The following HOOK1 variants were observed in gnomAD, a reference collection of about 807,000 sequenced individuals.
HOOK1 encodes the protein hook microtubule tethering protein 1, also known as protein Hook homolog 1.
In HOOK1, 60 loss-of-function variants were observed where a neutral mutation model predicts 112.8. The observed-to-expected ratio is 0.53, with a 90% CI of 0.43 to 0.66. The LOEUF (loss-of-function observed/expected upper bound fraction) is 0.66, where lower values mean the gene tolerates loss of function less well. Ranked by LOEUF, HOOK1 falls within the 30% of genes least tolerant of loss-of-function variation. The pLI, the probability that HOOK1 is intolerant of heterozygous loss-of-function variation, is 0.00. For missense variants in HOOK1, 770 were observed against 856.0 expected (o/e 0.90, Z 1.25); for synonymous variants, 294 against 283.8 (o/e 1.04, Z -0.36).
At chr1:59,836,077 A>G (rs564519651) in intron 6 of HOOK1, among the ~76,000 whole-genome samples, 1 of 152,094 alleles carries the variant, frequency 6.6e-6, no homozygotes, top group Non-Finnish European at 1.5e-5. Flanking sequence ...TTCCAGTTAT[A>G]ACAATCTTTC....
intron 4 of HOOK1, among the ~76,000 whole-genome samples, chr1:59,832,727 AAG>A (rs572658355): frequency 9.3e-4 from 141 of 152,200 alleles, no homozygotes; most frequent in African/African-American, 3.3e-3. Flanking sequence ...TTTTTGATAT[AAG>A]AGAGTTTATT....
At chr1:59,864,919 T>C in intron 17 of HOOK1, 1 of 568,180 alleles carries the variant, frequency 1.8e-6, no homozygotes, top group Non-Finnish European at 3.2e-6. Context: ...AACTAGATTA[T>C]ATGGGATGTT....
chr1:59,846,701 G>A (rs901551966), intron 9 of HOOK1, among the ~76,000 whole-genome samples: 1 of 149,508 alleles, frequency 6.7e-6, no homozygotes, highest in Non-Finnish European at 1.5e-5. Context: ...TTGATTGCTT[G>A]TCTTTTTGTT....
intron 3 of HOOK1, among the ~76,000 whole-genome samples, chr1:59,830,847 T>C (rs1427357644): frequency 6.6e-6 from 1 of 152,036 alleles, no homozygotes; most frequent in Admixed American, 6.6e-5. Flanking sequence ...AATTTTTTAA[T>C]TGGATGCTAA....
At position 59,873,922 on chromosome 1, in the gene HOOK1, G is replaced by A. The variant is rs1040869287; in HGVS notation, c.*957G>A. On this transcript the variant is annotated 3_prime_UTR_variant, in exon 22 of 22. Coordinates refer to ENST00000371208, the MANE Select transcript of HOOK1 (RefSeq NM_015888.6). ...GATGTTGCAGTGATGAAACAAGGTG[G>A]GATCAGTTTGATTTTGTTTACTTAT... 4 of 151,614 alleles carry A rather than the reference G, an allele frequency of 2.6e-5. No individual in the cohort carries two copies. The highest frequency in any genetic ancestry group is 4.4e-5 in the Non-Finnish European group (3 of 67,862). The allele number at this position is 151,614 out of a possible 1,614,324, so 9.4% of individuals were successfully genotyped here.
At chr1:59,830,520 A>G (rs925262976) in intron 3 of HOOK1, among the ~76,000 whole-genome samples, 14 of 152,064 alleles carry the variant, frequency 9.2e-5, no homozygotes, top group African/African-American at 3.1e-4. Flanking sequence ...CAGATTTTTT[A>G]TGATTATATT....
At chr1:59,867,145 G>A (rs1020389844) in intron 19 of HOOK1, among the ~76,000 whole-genome samples, 1 of 152,104 alleles carries the variant, frequency 6.6e-6, no homozygotes, top group Non-Finnish European at 1.5e-5. Flanking sequence ...TGGGGCAAGA[G>A]GTTTAAATAA....
At chr1:59,853,493 A>T (rs1232603682) in intron 12 of HOOK1, among the ~76,000 whole-genome samples, 2 of 151,820 alleles carry the variant, frequency 1.3e-5, no homozygotes, top group African/African-American at 4.8e-5. Flanking sequence ...TTATACTAAG[A>T]TCTATTTCTT....
chr1:59,826,940 T>C (rs1157578494), intron 2 of HOOK1, among the ~76,000 whole-genome samples: 2 of 152,134 alleles, frequency 1.3e-5, no homozygotes, highest in East Asian at 3.9e-4. Flanking sequence ...TTTTTTTGTA[T>C]TTTCAGTAGA....
chr1:59,866,147 C>G (rs1025536907), intron 19 of HOOK1, among the ~76,000 whole-genome samples, 175 bp downstream of exon 19: 5 of 152,172 alleles, frequency 3.3e-5, no homozygotes, highest in African/African-American at 1.2e-4. Flanking sequence ...TACTCTTAGT[C>G]TCACTCATCA....
At chr1:59,827,347 A>G (rs978459928) in intron 2 of HOOK1, among the ~76,000 whole-genome samples, 4 of 152,198 alleles carry the variant, frequency 2.6e-5, no homozygotes, top group Non-Finnish European at 5.9e-5. Flanking sequence ...CAACATCCAG[A>G]TGGGTTTTTA....
intron 20 of HOOK1, 86 bp downstream of exon 20, chr1:59,868,437 A>T: frequency 2.4e-6 from 2 of 825,846 alleles, no homozygotes; most frequent in Non-Finnish European, 4.0e-6. Flanking sequence ...ATTAATGATC[A>T]AGTTTTACAA....
intron 16 of HOOK1, among the ~76,000 whole-genome samples, 170 bp downstream of exon 16, chr1:59,863,047 TGTCA>T (rs1156320332): frequency 6.6e-6 from 1 of 152,164 alleles, no homozygotes; most frequent in Non-Finnish European, 1.5e-5. Flanking sequence ...ACTTGGAGCC[TGTCA>T]GTTGATCATC....
At chr1:59,815,212 C>A in intron 1 of HOOK1, 32 bp downstream of exon 1, 2 of 1,535,822 alleles carry the variant, frequency 1.3e-6, no homozygotes, top group South Asian at 2.4e-5. Context: ...GGCGAGGGGG[C>A]CAGGGGGCCG....
intron 16 of HOOK1, among the ~76,000 whole-genome samples, chr1:59,864,428 T>C (rs1008306096): frequency 1.2e-4 from 18 of 152,068 alleles, no homozygotes; most frequent in African/African-American, 4.1e-4. Context: ...TATTTCATTT[T>C]CTATTTTTCC....
At chr1:59,837,020 G>A in intron 7 of HOOK1, 85 bp downstream of exon 7, 2 of 795,918 alleles carry the variant, frequency 2.5e-6, no homozygotes, top group Non-Finnish European at 4.2e-6. Context: ...TACAAAGAGA[G>A]CATATACAAT....
intron 2 of HOOK1, among the ~76,000 whole-genome samples, chr1:59,828,107 T>C (rs76310813): frequency 0.032 from 4,862 of 152,302 alleles, 135 homozygotes; most frequent in Admixed American, 0.087. Context: ...ATCTAGATAT[T>C]TGTTTAGAAT....
Position 59,875,669 on chromosome 1 carries a change from G to C in HOOK1, c.*2704G>C, listed in dbSNP as rs1013225424. The C allele has an allele frequency of 6.6e-6, 1 of 152,218 alleles. No individual in the cohort carries two copies. The highest frequency in any genetic ancestry group is 1.5e-5 in the Non-Finnish European group (1 of 68,020). 9.4% of individuals were successfully genotyped at this position (152,218 alleles called of 1,614,324 possible). A position where few individuals can be genotyped will look rare whatever the true frequency, so the allele number is the denominator to read the frequency against. On this transcript the variant is annotated 3_prime_UTR_variant, in exon 22 of 22. Coordinates refer to ENST00000371208, the MANE Select transcript of HOOK1 (RefSeq NM_015888.6). ...TAAAACCACAGACCAATTTGCAAAT[G>C]ATCTTCAATGTTAAGCACTTGCTCT...
Position 59,873,647 on chromosome 1 carries a change from C to T in HOOK1, c.*682C>T, listed in dbSNP as rs1269962000. On this transcript the variant is annotated 3_prime_UTR_variant, in exon 22 of 22. Coordinates refer to ENST00000371208, the MANE Select transcript of HOOK1 (RefSeq NM_015888.6). Reference sequence around the variant, plus strand: ...TTGTACCTATGGCAAATAAGGGCTTCTGGACATCATGTTTAAAATGTTAAG... The same window carrying T: ...TTGTACCTATGGCAAATAAGGGCTTTTGGACATCATGTTTAAAATGTTAAG... 1 of 147,260 alleles carries T rather than the reference C, an allele frequency of 6.8e-6. No homozygotes were observed. Among genetic ancestry groups the T allele is most frequent in the African/African-American group, 2.5e-5 (1 of 39,840 alleles). 9.1% of individuals were successfully genotyped at this position (147,260 alleles called of 1,614,324 possible).
Sources: allele counts gnomAD v4.1 joint callset (sites outside exome capture counted in the v4.1 genomes callset), GRCh38; gene constraint gnomAD v4.1.1; transcripts MANE v1.5; gene names NCBI Gene and HGNC (gene_info 2026-07-23, HGNC 2026-07-21).